CNOT6: variants seen among roughly 807,000 people sequenced by gnomAD.
CNOT6 encodes the protein CCR4-NOT transcription complex subunit 6, also known as carbon catabolite repression 4 protein.
A neutral mutation model predicts 61.2 loss-of-function variants in CNOT6; 12 were observed. The ratio of observed to expected loss-of-function variants is 0.20; its 90% CI spans 0.13 to 0.32. CNOT6 has a LOEUF of 0.32. Ranked by LOEUF, CNOT6 falls within the 10% of genes least tolerant of loss-of-function variation. The pLI is 1.00. For synonymous variants in CNOT6, 225 were observed against 240.6 expected (o/e 0.94, Z 0.60); for missense variants, 405 against 663.9 (o/e 0.61, Z 4.28).
At chr5:180,539,173 CAA>C (rs56032920) in intron 2 of CNOT6, among the ~76,000 whole-genome samples, 12 of 93,210 alleles carry the variant, frequency 1.3e-4, no homozygotes, top group Non-Finnish European at 1.8e-4. Flanking sequence ...GACTCCATCT[CAA>C]AAAAAAAAAA....
At chr5:180,525,431 CG>C (rs1324975305) in intron 1 of CNOT6, among the ~76,000 whole-genome samples, 3 of 150,860 alleles carry the variant, frequency 2.0e-5, no homozygotes, top group Admixed American at 6.6e-5. Flanking sequence ...CCCAACTACA[CG>C]GGAGGCTGAG....
At chr5:180,555,053 G>A (rs1759813963) in intron 4 of CNOT6, among the ~76,000 whole-genome samples, 1 of 150,946 alleles carries the variant, frequency 6.6e-6, no homozygotes, top group Admixed American at 6.6e-5. Flanking sequence ...GCCCAGGCTA[G>A]AGTGCAGTGG....
chr5:180,557,163 G>A (rs1021025340), intron 4 of CNOT6, among the ~76,000 whole-genome samples: 1 of 152,146 alleles, frequency 6.6e-6, no homozygotes, highest in African/African-American at 2.4e-5. Flanking sequence ...AAATCTGGGT[G>A]GCTTCTAATT....
At chr5:180,567,823 G>A (rs1178776071) in intron 8 of CNOT6, 26 bp from the exon 9 acceptor site, 5 of 1,613,636 alleles carry the variant, frequency 3.1e-6, no homozygotes, top group Middle Eastern at 1.6e-4. Flanking sequence ...CTCTGTGTGT[G>A]TGTGTGTGTG....
At chr5:180,522,830 C>T (rs1221236972) in intron 1 of CNOT6, among the ~76,000 whole-genome samples, 1 of 152,150 alleles carries the variant, frequency 6.6e-6, no homozygotes, top group Admixed American at 6.6e-5. Flanking sequence ...CTGTTCCTCA[C>T]CCTGTATACA....
At chr5:180,556,735 G>A (rs540674006) in intron 4 of CNOT6, among the ~76,000 whole-genome samples, 4 of 152,296 alleles carry the variant, frequency 2.6e-5, no homozygotes, top group Non-Finnish European at 4.4e-5. Context: ...GGCAGATCAC[G>A]AGGTCAGGGG....
Position 180,564,571 on chromosome 5 carries a change from T to G in CNOT6, c.468T>G (p.Asn156Lys), listed in dbSNP as rs1760356374. Residue 156 changes from asparagine to lysine, a missense_variant, in exon 5 of 12, where the codon AAT becomes AAG. By Grantham distance (94) the Asn-to-Lys change is moderately conservative. Transcript: ENST00000261951. The part of the protein sequence containing the change: ...TRRLLNYLLD[N>K]LSGTAKRITT... Reference sequence around the variant, plus strand: ...GGCTGCTGAACTATTTGCTTGATAATTTGTCAGGTACTGCAAAAAGAAGTA... The same window carrying G: ...GGCTGCTGAACTATTTGCTTGATAAGTTGTCAGGTACTGCAAAAAGAAGTA... 6.2e-7 allele frequency: 1 copy of G among 1,613,850 alleles called. No individual in the cohort carries two copies. The highest frequency in any genetic ancestry group is 1.3e-5 in the African/African-American group (1 of 74,928).
intron 10 of CNOT6, among the ~76,000 whole-genome samples, chr5:180,570,289 C>A (rs1581574855): frequency 6.6e-6 from 1 of 152,138 alleles, no homozygotes; most frequent in East Asian, 1.9e-4. Context: ...ACCCCAGAGG[C>A]AGAAGTTGCA....
intron 4 of CNOT6, among the ~76,000 whole-genome samples, chr5:180,561,091 CAGG>C (rs1478661552): frequency 6.6e-6 from 1 of 152,098 alleles, no homozygotes; most frequent in Non-Finnish European, 1.5e-5. Flanking sequence ...GCTGGGACCA[CAGG>C]CATGTGCCAC....
chr5:180,505,547 A>AT (rs386405833), intron 1 of CNOT6, among the ~76,000 whole-genome samples: 4,521 of 85,710 alleles, frequency 0.053, 530 homozygotes, highest in African/African-American at 0.17. Context: ...GTACTAGTTA[A>AT]TTTTTTTTTT....
chr5:180,503,068 A>G (rs1017622178), intron 1 of CNOT6, among the ~76,000 whole-genome samples: 1 of 151,984 alleles, frequency 6.6e-6, no homozygotes, highest in Non-Finnish European at 1.5e-5. Flanking sequence ...GCCACTGAAG[A>G]AAAAAAATGA....
At chr5:180,524,385 A>G (rs1242602596) in intron 1 of CNOT6, among the ~76,000 whole-genome samples, 1 of 152,194 alleles carries the variant, frequency 6.6e-6, no homozygotes, top group Non-Finnish European at 1.5e-5. Flanking sequence ...ACTCCCAGAA[A>G]AATGGATTGG....
chr5:180,502,262 A>G (rs776385740), intron 1 of CNOT6, among the ~76,000 whole-genome samples: 3 of 152,176 alleles, frequency 2.0e-5, no homozygotes, highest in Non-Finnish European at 2.9e-5. Context: ...TGCCTGCGGA[A>G]TTTTATGTGA....
chr5:180,506,523 G>A (rs1248796438), intron 1 of CNOT6, among the ~76,000 whole-genome samples: 1 of 152,174 alleles, frequency 6.6e-6, no homozygotes. Flanking sequence ...TATGCCTAGT[G>A]CAGTGCATGG....
chr5:180,542,044 G>A (rs574666290), intron 2 of CNOT6, among the ~76,000 whole-genome samples: 2 of 152,144 alleles, frequency 1.3e-5, no homozygotes, highest in South Asian at 2.1e-4. Context: ...GCCTTCCAGC[G>A]TGCATTGTTT....
At chr5:180,527,816 G>A (rs1758171072) in intron 1 of CNOT6, among the ~76,000 whole-genome samples, 1 of 152,176 alleles carries the variant, frequency 6.6e-6, no homozygotes, top group South Asian at 2.1e-4. Context: ...CAGGAGGTGA[G>A]CGGCACGTGA....
At chr5:180,573,022 G>C (rs1760827164) in intron 11 of CNOT6, among the ~76,000 whole-genome samples, 1 of 152,224 alleles carries the variant, frequency 6.6e-6, no homozygotes, top group African/African-American at 2.4e-5. Flanking sequence ...TTAGAGCATA[G>C]AAAGTAAACC....
rs1276114630 is a variant in CNOT6 at position 180,513,825 on chromosome 5, CT to C, written c.-2-15449del. ...TCACGCCATTCTCCTGCCTCAGCCT[CT>C]CCGAGTAGCTGGGACTACAGGCGCC... On this transcript the variant is annotated intron_variant, in intron 1 of 11. Coordinates refer to ENST00000261951, the MANE Select transcript of CNOT6 (RefSeq NM_001370472.1). 6.6e-5 allele frequency among the ~76,000 whole-genome samples: 10 copies of C among 151,966 alleles called. No individual in the cohort carries two copies. The East Asian group carries it at 1.6e-3, about 24-fold the overall frequency.
chr5:180,513,234 G>A (rs1757480468), intron 1 of CNOT6, among the ~76,000 whole-genome samples: 1 of 152,012 alleles, frequency 6.6e-6, no homozygotes, highest in Non-Finnish European at 1.5e-5. Flanking sequence ...CTGTCGCTCA[G>A]ACTGGAGTGC....
Sources: allele counts gnomAD v4.1 joint callset (sites outside exome capture counted in the v4.1 genomes callset), GRCh38; gene constraint gnomAD v4.1.1; transcripts MANE v1.5; gene names NCBI Gene and HGNC (gene_info 2026-07-23, HGNC 2026-07-21).